Variants in RIMS1 observed in about 807,000 individuals in gnomAD.
RIMS1 encodes the protein regulating synaptic membrane exocytosis 1, also known as regulating synaptic membrane exocytosis protein 1.
Under a neutral mutation model 214.1 loss-of-function variants are expected in RIMS1, and 83 were observed. The observed-to-expected ratio is 0.39, with a 90% CI of 0.32 to 0.47. The LOEUF is 0.47. Among genes scored for constraint, RIMS1 ranks in the 20% least tolerant of loss-of-function variants. The pLI, the probability that RIMS1 is intolerant of heterozygous loss-of-function variation, is 0.99. For synonymous variants in RIMS1, 793 were observed against 786.8 expected, an observed-to-expected ratio of 1.01 and a Z score of -0.13; for missense variants, 2,050 against 2,161.8, an observed-to-expected ratio of 0.95 and a Z score of 1.03.
intron 4 of RIMS1, among the ~76,000 whole-genome samples, chr6:72,141,779 C>A (rs893413897): frequency 2.0e-5 from 3 of 151,896 alleles, no homozygotes; most frequent in South Asian, 2.1e-4. Flanking sequence ...TTCAGAATTT[C>A]ATGATAAGTC....
At chr6:72,260,618 C>G in intron 18 of RIMS1, 87 bp from the exon 19 acceptor site, 1 of 1,546,404 alleles carries the variant, frequency 6.5e-7, no homozygotes, top group African/African-American at 1.4e-5. Context: ...GGTTTCTTCC[C>G]TTTTCATGTT....
chr6:72,302,425 T>C (rs2094715890), intron 26 of RIMS1, among the ~76,000 whole-genome samples: 1 of 151,734 alleles, frequency 6.6e-6, no homozygotes, highest in Non-Finnish European at 1.5e-5. Flanking sequence ...CTGATCTTCC[T>C]ATTCAGTCTT....
intron 11 of RIMS1, 21 bp downstream of exon 11, chr6:72,245,882 T>C (rs1465878935): frequency 6.5e-7 from 1 of 1,540,454 alleles, no homozygotes; most frequent in Non-Finnish European, 9.0e-7. Flanking sequence ...GGTTTCTTTG[T>C]TATTATAAAA....
chr6:71,992,491 T>G (rs1802047936), intron 2 of RIMS1, among the ~76,000 whole-genome samples: 1 of 150,342 alleles, frequency 6.7e-6, no homozygotes, highest in Non-Finnish European at 1.5e-5. Context: ...CTTCCTTCCC[T>G]TCTTTTTCTT....
At chr6:71,900,172 C>A (rs1393277567) in intron 1 of RIMS1, among the ~76,000 whole-genome samples, 2 of 151,968 alleles carry the variant, frequency 1.3e-5, no homozygotes, top group Non-Finnish European at 2.9e-5. Flanking sequence ...AGAAGTTAAG[C>A]AGGCAAATAG....
At chr6:71,952,308 G>GA (rs1437223422) in intron 1 of RIMS1, among the ~76,000 whole-genome samples, 2 of 151,664 alleles carry the variant, frequency 1.3e-5, no homozygotes, top group Admixed American at 6.6e-5. Context: ...TATCTATATT[G>GA]AAAAAAAAGT....
At chr6:72,225,805 G>A (rs1488560414) in intron 6 of RIMS1, among the ~76,000 whole-genome samples, 1 of 152,120 alleles carries the variant, frequency 6.6e-6, no homozygotes, top group Admixed American at 6.6e-5. Context: ...TATTTATGAA[G>A]AGTCATTGTG....
chr6:72,233,753 AT>A lies in RIMS1; in HGVS notation c.1679-18del. 1 of 1,539,746 alleles carries A rather than the reference AT, an allele frequency of 6.5e-7. No homozygotes were observed. Among genetic ancestry groups the A allele is most frequent in the Non-Finnish European group, 8.8e-7 (1 of 1,132,892 alleles). On this transcript the variant is annotated intron_variant, in intron 6 of 33. Transcript: ENST00000521978. Reference sequence around the variant, plus strand: ...TCTCTTTAATACCATTACACTTTTCATTCTTTTTGTATTGCACAGGTGATTT... The same window carrying A: ...TCTCTTTAATACCATTACACTTTTCATCTTTTTGTATTGCACAGGTGATTT...
At chr6:72,121,069 T>C (rs921939334) in intron 4 of RIMS1, among the ~76,000 whole-genome samples, 7 of 151,924 alleles carry the variant, frequency 4.6e-5, no homozygotes, top group Non-Finnish European at 8.8e-5. Context: ...TGTAGTATAG[T>C]TTGAAGTCAG....
In RIMS1 at chr6:72,114,058, T is replaced by G. The variant is rs141982695; in HGVS notation, c.471+14072T>G. Reference sequence around the variant, plus strand: ...TCTTTAATGCATCTCAAAGTTATTTTAAAGAGAAAAAAGTTTCAAATGTAG... The same window carrying G: ...TCTTTAATGCATCTCAAAGTTATTTGAAAGAGAAAAAAGTTTCAAATGTAG... On this transcript the variant is annotated intron_variant, in intron 4 of 33. Coordinates refer to ENST00000521978, the MANE Select transcript of RIMS1 (RefSeq NM_014989.7). 5.5e-3 allele frequency among the ~76,000 whole-genome samples: 831 copies of G among 152,188 alleles called. 5 individuals carry two copies. The highest frequency in any genetic ancestry group is 0.019 in the African/African-American group (806 of 41,556).
chr6:72,183,018 C>A lies in RIMS1; in HGVS notation c.1547C>A (p.Pro516Gln). ...SESVRPSPPK[P>Q]HRSKRGGKKR... Reference sequence around the variant, plus strand: ...TCGGTGCGGCCGTCCCCGCCCAAGCCGCACCGGTCCAAGAGAGGCGGCAAG... The same window carrying A: ...TCGGTGCGGCCGTCCCCGCCCAAGCAGCACCGGTCCAAGAGAGGCGGCAAG... Residue 516 changes from proline (P) to glutamine (Q), a missense_variant, in exon 6 of 34, where the codon CCG becomes CAG. By Grantham distance (76) the Pro-to-Gln change is moderately conservative. This residue lies in a region of RIMS1 where 882 missense variants were observed against 828.9 expected (regional missense o/e 1.06). Coordinates refer to ENST00000521978, the MANE Select transcript of RIMS1 (RefSeq NM_014989.7). 6.2e-7 allele frequency: 1 copy of A among 1,600,600 alleles called. No individual in the cohort carries two copies. Among genetic ancestry groups the A allele is most frequent in the Non-Finnish European group, 8.5e-7 (1 of 1,174,422 alleles).
At chr6:72,312,223 A>G (rs1411533991) in intron 27 of RIMS1, among the ~76,000 whole-genome samples, 2 of 152,196 alleles carry the variant, frequency 1.3e-5, no homozygotes. Flanking sequence ...TACAGGTTTA[A>G]TAAACATTTG....
chr6:72,326,030 A>G, intron 28 of RIMS1, among the ~76,000 whole-genome samples: 1 of 151,800 alleles, frequency 6.6e-6, no homozygotes, highest in Non-Finnish European at 1.5e-5. Context: ...TCCAGATGTA[A>G]GTGTAGGGCT....
intron 6 of RIMS1, among the ~76,000 whole-genome samples, chr6:72,221,851 G>A (rs1197457490): frequency 6.6e-6 from 1 of 151,890 alleles, no homozygotes; most frequent in Non-Finnish European, 1.5e-5. Flanking sequence ...CAATCCTGCT[G>A]TGATCAATAA....
At chr6:71,974,743 G>A (rs1230486425) in intron 2 of RIMS1, among the ~76,000 whole-genome samples, 1 of 152,182 alleles carries the variant, frequency 6.6e-6, no homozygotes, top group Non-Finnish European at 1.5e-5. Flanking sequence ...TAGGCACTAA[G>A]GCAGGTTTAC....
intron 28 of RIMS1, among the ~76,000 whole-genome samples, chr6:72,319,965 A>C (rs556027515): frequency 1.3e-5 from 2 of 152,170 alleles, no homozygotes; most frequent in African/African-American, 4.8e-5. Flanking sequence ...TACTGCATAC[A>C]TGGTATGAAG....
chr6:72,032,964 C>T (rs910303628), intron 2 of RIMS1, among the ~76,000 whole-genome samples: 2 of 152,058 alleles, frequency 1.3e-5, no homozygotes, highest in African/African-American at 4.8e-5. Context: ...AAATAACTAG[C>T]CAGGCCTGCA....
intron 6 of RIMS1, among the ~76,000 whole-genome samples, chr6:72,227,889 A>G (rs1377104070): frequency 6.6e-6 from 1 of 152,020 alleles, no homozygotes; most frequent in Non-Finnish European, 1.5e-5. Context: ...AGAGAAAGAC[A>G]CAGGGGATGT....
intron 2 of RIMS1, among the ~76,000 whole-genome samples, chr6:71,997,966 G>A (rs1803975688): frequency 6.6e-6 from 1 of 151,830 alleles, no homozygotes; most frequent in African/African-American, 2.4e-5. Context: ...ATTGAAGGAA[G>A]TTGTCCAGCA....
Sources: allele counts gnomAD v4.1 joint callset (sites outside exome capture counted in the v4.1 genomes callset), GRCh38; gene constraint gnomAD v4.1.1; regional missense constraint gnomAD v4.1.1; transcripts MANE v1.5; gene names NCBI Gene and HGNC (gene_info 2026-07-23, HGNC 2026-07-21).